Variants in CRBN observed in about 807,000 individuals in gnomAD.
CRBN encodes the protein cereblon.
In CRBN, 53 loss-of-function variants were observed where a neutral mutation model predicts 62.2. The ratio of observed to expected loss-of-function variants is 0.85; its 90% CI spans 0.68 to 1.07. The LOEUF (loss-of-function observed/expected upper bound fraction) is 1.07. Ranked by LOEUF, CRBN falls within the 50% of genes least tolerant of loss-of-function variation. CRBN has a pLI of 0.00. For synonymous variants in CRBN, 208 were observed against 176.1 expected, an observed-to-expected ratio of 1.18 and a Z score of -1.43; for missense variants, 616 against 531.1, an observed-to-expected ratio of 1.16 and a Z score of -1.57.
At chr3:3,170,022 G>A (rs1031956852) in intron 4 of CRBN, among the ~76,000 whole-genome samples, 2 of 152,098 alleles carry the variant, frequency 1.3e-5, no homozygotes, top group South Asian at 2.1e-4. Context: ...CACTGTTGGC[G>A]AAGCTGGAGT....
At position 3,166,955 on chromosome 3, in the gene CRBN, G is replaced by A. The variant is rs553434911; in HGVS notation, c.687+679C>T. Reference sequence around the variant, plus strand: ...CATATTAAAAAAAAAAACTCAAAAAGCCCAATTATTCTAAATTTAGAAACT... The same window carrying A: ...CATATTAAAAAAAAAAACTCAAAAAACCCAATTATTCTAAATTTAGAAACT... On this transcript the variant is annotated intron_variant, in intron 5 of 10. Transcript: ENST00000231948. Among the ~76,000 whole-genome samples the A allele has an allele frequency of 1.2e-3, 180 of 150,740 alleles. 5 individuals are homozygous for A. The highest frequency in any genetic ancestry group is 9.5e-3 in the East Asian group (49 of 5,146).
chr3:3,163,474 C>G (rs534862436), intron 5 of CRBN, among the ~76,000 whole-genome samples: 28 of 152,202 alleles, frequency 1.8e-4, no homozygotes, highest in Middle Eastern at 3.4e-3. Context: ...GGGCCAAATT[C>G]GGAATGTAAT....
intron 5 of CRBN, among the ~76,000 whole-genome samples, chr3:3,163,580 G>A (rs1401204072): frequency 3.3e-5 from 5 of 152,232 alleles, no homozygotes; most frequent in African/African-American, 1.2e-4. Flanking sequence ...CTTAGCCCAA[G>A]TTCAGGTTTA....
intron 7 of CRBN, chr3:3,154,478 T>C (rs1404602707): frequency 6.0e-6 from 3 of 499,002 alleles, no homozygotes. Flanking sequence ...ACAGGAAGTG[T>C]TTTTGGATGA....
chr3:3,160,819 A>C (rs548443219), intron 5 of CRBN, among the ~76,000 whole-genome samples: 2 of 152,214 alleles, frequency 1.3e-5, no homozygotes, highest in African/African-American at 2.4e-5. Flanking sequence ...AAGCAGACCA[A>C]AAGAGAAGAA....
At chr3:3,174,363 G>A (rs1046345053) in intron 2 of CRBN, 102 bp from the exon 3 acceptor site, 33 of 939,460 alleles carry the variant, frequency 3.5e-5, no homozygotes, top group Middle Eastern at 2.4e-4. Context: ...AATACAGGCC[G>A]GGCACAGTGG....
intron 1 of CRBN, among the ~76,000 whole-genome samples, chr3:3,178,267 A>T (rs1402319930): frequency 6.6e-6 from 1 of 152,250 alleles, no homozygotes; most frequent in Non-Finnish European, 1.5e-5. Context: ...AATGGCTTCG[A>T]GAACAACCAG....
chr3:3,154,798 G>T lies in CRBN; in HGVS notation c.784C>A (p.Arg262Ser). 2 of 1,606,276 alleles carry T rather than the reference G, an allele frequency of 1.2e-6. No homozygotes were observed. The highest frequency in any genetic ancestry group is 1.7e-6 in the Non-Finnish European group (2 of 1,173,094). The change falls in exon 7 of 11, where the codon CGT becomes AGT. Residue 262 changes from arginine (R) to serine (S), a missense_variant. Physicochemically the swap from Arg to Ser is moderately radical, Grantham distance 110 (BLOSUM62 -1). Transcript: ENST00000231948. ...TLMDRIKKQLREWDENLKDDS... is the reference protein window; with the variant it reads ...TLMDRIKKQLSEWDENLKDDS... ...TCTTTTAGATTTTCATCCCATTCAC[G>T]TAGCTGTTTCTTGATTCTGTCCATT...
intron 9 of CRBN, chr3:3,153,199 T>C (rs1706705179): frequency 4.2e-6 from 2 of 480,042 alleles, no homozygotes; most frequent in Admixed American, 3.7e-5. Flanking sequence ...TCAGTTGTTT[T>C]ACTTTACCAT....
Position 3,152,444 on chromosome 3 carries a change from CCAT to C in CRBN, c.1148+9_1148+11del, listed in dbSNP as rs1415119833. On this transcript the variant is annotated intron_variant, in intron 10 of 10. Coordinates refer to ENST00000231948, the MANE Select transcript of CRBN (RefSeq NM_016302.4). ...AAAAGAAAAAAAAAAGCAACCACCA[CCAT>C]AATATTACCCAGGAAACCAGCTGTG... 1.2e-6 allele frequency: 2 copies of C among 1,611,834 alleles called. No homozygotes were observed. Among genetic ancestry groups the C allele is most frequent in the Non-Finnish European group, 1.7e-6 (2 of 1,179,480 alleles).
intron 5 of CRBN, among the ~76,000 whole-genome samples, chr3:3,156,970 T>A (rs1370400430): frequency 6.6e-6 from 1 of 152,212 alleles, no homozygotes; most frequent in Non-Finnish European, 1.5e-5. Context: ...TTGTAGAAAT[T>A]GTAGAATTTC....
chr3:3,164,887 C>T (rs1575091953), intron 5 of CRBN, among the ~76,000 whole-genome samples: 2 of 152,206 alleles, frequency 1.3e-5, no homozygotes, highest in Non-Finnish European at 2.9e-5. Flanking sequence ...AGTGATTCCT[C>T]TGATGGATCT....
intron 6 of CRBN, chr3:3,155,099 T>A: frequency 2.1e-6 from 1 of 470,754 alleles, no homozygotes; most frequent in Non-Finnish European, 3.8e-6. Flanking sequence ...TTCTGTTCTA[T>A]GCCCCTGCTT....
intron 10 of CRBN, among the ~76,000 whole-genome samples, chr3:3,151,704 T>G (rs1669345): frequency 0.92 from 139,657 of 152,192 alleles, 65,263 homozygotes; most frequent in East Asian, 1. Flanking sequence ...CAATCCAAGA[T>G]ACATAGTCCT....
rs1706646440 is a variant in CRBN, at chr3:3,152,536, C to T, written c.1068G>A (p.Val356=). The change falls in exon 10 of 11, where the codon GTG becomes GTA. Residue 356 remains valine (V), a synonymous_variant. Coordinates refer to ENST00000231948, the MANE Select transcript of CRBN (RefSeq NM_016302.4). ...MAAYVNPHGY[V]HETLTVYKAC... Reference sequence around the variant, plus strand: ...CCTTATACACAGTAAGTGTCTCATGCACATATCCATGAGGATTCACATAAG... The same window carrying T: ...CCTTATACACAGTAAGTGTCTCATGTACATATCCATGAGGATTCACATAAG... The T allele has an allele frequency of 6.2e-7, 1 of 1,613,264 alleles. No individual in the cohort carries two copies. The highest frequency in any genetic ancestry group is 8.5e-7 in the Non-Finnish European group (1 of 1,179,260).
intron 9 of CRBN, 82 bp downstream of exon 9, chr3:3,153,342 G>A (rs1268520836): frequency 2.4e-6 from 2 of 845,792 alleles, no homozygotes; most frequent in African/African-American, 1.7e-5. Flanking sequence ...GGTACTGGAG[G>A]AAAGTTTATG....
Position 3,150,993 on chromosome 3 carries a change from T to C in CRBN, c.1201A>G (p.Lys401Glu). 1.2e-6 allele frequency: 2 copies of C among 1,614,044 alleles called. No individual in the cohort carries two copies. The highest frequency in any genetic ancestry group is 1.7e-6 in the Non-Finnish European group (2 of 1,179,964). ...ATGTCTTTTTTGGTGGCCGTAAACT[T>C]CCATCCAATATGGCTTGCACAGATC... Reference protein sequence around the residue: ...CKICASHIGWKFTATKKDMSP... With the variant: ...CKICASHIGWEFTATKKDMSP... The change falls in exon 11 of 11, where the codon AAG becomes GAG. Residue 401 changes from lysine to glutamate, a missense_variant. Lys to Glu is a moderately conservative substitution (Grantham distance 56). Coordinates refer to ENST00000231948, the MANE Select transcript of CRBN (RefSeq NM_016302.4).
At chr3:3,162,956 G>A (rs1707198012) in intron 5 of CRBN, among the ~76,000 whole-genome samples, 1 of 152,142 alleles carries the variant, frequency 6.6e-6, no homozygotes, top group African/African-American at 2.4e-5. Context: ...GTAAGCTAGC[G>A]TCCCACTAAA....
intron 10 of CRBN, 27 bp downstream of exon 10, chr3:3,152,429 A>T: frequency 6.2e-7 from 1 of 1,602,722 alleles, no homozygotes; most frequent in Non-Finnish European, 8.5e-7. Context: ...AAAAGAAAAA[A>T]AAAAGCAACC....
Sources: gnomAD v4.1 joint callset for allele counts (sites outside exome capture counted in the v4.1 genomes callset) on GRCh38, gnomAD v4.1.1 for gene constraint, MANE v1.5 for transcripts, NCBI Gene and HGNC (gene_info 2026-07-23, HGNC 2026-07-21) for gene names.